Variants in TRAPPC12 observed in about 807,000 individuals in gnomAD.
TRAPPC12 encodes the protein TPR repeat protein 15.
A neutral mutation model predicts 69.2 loss-of-function variants in TRAPPC12; 61 were observed. The ratio of observed to expected loss-of-function variants is 0.88; its 90% CI spans 0.72 to 1.09. The LOEUF (loss-of-function observed/expected upper bound fraction) is 1.09. TRAPPC12 is among the 50% of genes least tolerant of loss of function. The pLI, the probability that TRAPPC12 is intolerant of heterozygous loss-of-function variation, is 0.00. For missense variants in TRAPPC12, 1,101 were observed against 1,016.4 expected (o/e 1.08, Z -1.13); for synonymous variants, 469 against 438.9 (o/e 1.07, Z -0.86).
At chr2:3,454,392 T>C (rs1665020125) in intron 6 of TRAPPC12, among the ~76,000 whole-genome samples, 2 of 147,476 alleles carry the variant, frequency 1.4e-5, no homozygotes, top group Non-Finnish European at 3.0e-5. Context: ...CCCTGCGCCT[T>C]CCCAGCTGGG....
chr2:3,418,348 C>CA (rs35388858), intron 3 of TRAPPC12, among the ~76,000 whole-genome samples: 43,925 of 151,936 alleles, frequency 0.29, 6,655 homozygotes, highest in East Asian at 0.41. Context: ...AGTTCTCTGT[C>CA]ACGTGACTAC....
chr2:3,421,015 C>T (rs1218237835), intron 3 of TRAPPC12, among the ~76,000 whole-genome samples: 3 of 152,202 alleles, frequency 2.0e-5, no homozygotes, highest in African/African-American at 2.4e-5. Flanking sequence ...CTAACCTCCC[C>T]GCCAGCCTTG....
intron 6 of TRAPPC12, chr2:3,457,212 T>C: frequency 2.2e-6 from 1 of 455,268 alleles, no homozygotes; most frequent in Non-Finnish European, 4.4e-6. Context: ...GAAAACCAAA[T>C]AGTGAATGTT....
intron 8 of TRAPPC12, among the ~76,000 whole-genome samples, chr2:3,461,940 A>C (rs913769775): frequency 1.3e-5 from 2 of 152,260 alleles, no homozygotes; most frequent in African/African-American, 2.4e-5. Context: ...GCCTGTGGCC[A>C]GCCCTGACAC....
chr2:3,477,607 T>G (rs1666349142), intron 9 of TRAPPC12, 88 bp from the exon 10 acceptor site: 2 of 692,000 alleles, frequency 2.9e-6, no homozygotes, highest in African/African-American at 1.8e-5. Flanking sequence ...TGTCTTCATA[T>G]TCTAACATGA....
chr2:3,463,773 G>A (rs1318761221), intron 8 of TRAPPC12, among the ~76,000 whole-genome samples: 1 of 151,950 alleles, frequency 6.6e-6, no homozygotes. Context: ...ACACTGCCGG[G>A]CTGATAACAA....
At chr2:3,424,738 C>T (rs535729998) in intron 5 of TRAPPC12, 75 bp downstream of exon 5, 1,174 of 1,413,516 alleles carry the variant, frequency 8.3e-4, no homozygotes, top group Non-Finnish European at 9.8e-4. Context: ...TACATAATTT[C>T]GTAGCCTCAG....
chr2:3,383,773 ATTTT>A (rs771474499), intron 1 of TRAPPC12, among the ~76,000 whole-genome samples: 27 of 140,674 alleles, frequency 1.9e-4, no homozygotes, highest in Non-Finnish European at 3.1e-4. Flanking sequence ...TTCCAAGTTT[ATTTT>A]TTCCCAGCTG....
intron 8 of TRAPPC12, among the ~76,000 whole-genome samples, chr2:3,464,969 G>A (rs1371495961): frequency 6.6e-6 from 1 of 152,226 alleles, no homozygotes; most frequent in African/African-American, 2.4e-5. Context: ...CCTGAGCACG[G>A]CAGCTGGCAC....
rs377151129 is a variant in TRAPPC12, at chr2:3,443,834, G to A, written c.1473G>A (p.Leu491=). The A allele has an allele frequency of 1.1e-5, 18 of 1,613,986 alleles. No individual in the cohort carries two copies. In the African/African-American group the frequency reaches 1.6e-4, roughly 14 times the overall value. ...RILHAELQQY[L]GNPQESLDRL... is the part of the protein sequence containing the mutation. The stretch of plus-strand genomic sequence containing the variant: ...TGCACGCGGAGCTTCAGCAGTACCT[G>A]GGGAACCCACAGGAGTCGCTGGATA... Residue 491 remains leucine (L), a synonymous_variant, in exon 6 of 12, where the codon CTG becomes CTA. Transcript: ENST00000324266.
chr2:3,387,742 G>A lies in TRAPPC12; in HGVS notation c.119G>A (p.Gly40Glu), dbSNP rs755833337. 1.2e-6 allele frequency: 2 copies of A among 1,610,498 alleles called. No individual in the cohort carries two copies. The highest frequency in any genetic ancestry group is 2.7e-5 in the African/African-American group (2 of 74,790). ...CAGGAGGAAACCATCGATCTTGGCG[G>A]AGATGAGTTTGGATCCGAAGAGAAC... ...LFQEETIDLG[G>E]DEFGSEENET... is the part of the protein sequence containing the mutation. Residue 40 changes from glycine (G) to glutamate (E), a missense_variant, in exon 2 of 12, where the codon GGA becomes GAA. Physicochemically the swap from Gly to Glu is moderately conservative, Grantham distance 98 (BLOSUM62 -2). Transcript: ENST00000324266.
chr2:3,455,276 G>A (rs1362548331), intron 6 of TRAPPC12: 2 of 152,184 alleles, frequency 1.3e-5, no homozygotes, highest in African/African-American at 4.8e-5. Flanking sequence ...TGGGTTATAG[G>A]AGATATTTTG....
intron 6 of TRAPPC12, among the ~76,000 whole-genome samples, chr2:3,446,674 G>A (rs1256347494): frequency 6.6e-6 from 1 of 152,226 alleles, no homozygotes; most frequent in Non-Finnish European, 1.5e-5. Context: ...TGGGCACTGC[G>A]GGGACATGGA....
intron 1 of TRAPPC12, among the ~76,000 whole-genome samples, chr2:3,384,175 C>T (rs529086372): frequency 1.3e-5 from 2 of 152,164 alleles, no homozygotes; most frequent in South Asian, 4.2e-4. Context: ...GGATTACAGG[C>T]CTGAACCACC....
intron 5 of TRAPPC12, among the ~76,000 whole-genome samples, chr2:3,434,398 A>G (rs1050446737): frequency 3.9e-5 from 6 of 152,196 alleles, no homozygotes; most frequent in Admixed American, 3.3e-4. Context: ...TCTCTTTCAT[A>G]TGAAGTTGCA....
At position 3,388,099 on chromosome 2, in the gene TRAPPC12, T is replaced by G. The variant is rs1660591261; in HGVS notation, c.476T>G (p.Val159Gly). 1 of 1,557,260 alleles carries G rather than the reference T, an allele frequency of 6.4e-7. No individual in the cohort carries two copies. Among genetic ancestry groups the G allele is most frequent in the Non-Finnish European group, 8.6e-7 (1 of 1,156,680 alleles). Reference protein sequence around the residue: ...QEPPVAEPVPVCTIFSQRAPP... With the variant: ...QEPPVAEPVPGCTIFSQRAPP... ...CCTCCCGTTGCGGAGCCGGTCCCGGTGTGCACCATCTTCAGCCAGCGCGCG... is the reference window on the plus strand; with the variant it reads ...CCTCCCGTTGCGGAGCCGGTCCCGGGGTGCACCATCTTCAGCCAGCGCGCG... The change falls in exon 2 of 12, where the codon GTG (valine) becomes GGG (glycine). Residue 159 changes from valine to glycine, a missense_variant. Coordinates refer to ENST00000324266, the MANE Select transcript of TRAPPC12 (RefSeq NM_016030.6).
chr2:3,475,835 A>G (rs759697566), intron 9 of TRAPPC12, among the ~76,000 whole-genome samples: 1 of 152,232 alleles, frequency 6.6e-6, no homozygotes, highest in Non-Finnish European at 1.5e-5. Context: ...TAGCGACAGC[A>G]TCTGCATCCC....
intron 6 of TRAPPC12, among the ~76,000 whole-genome samples, chr2:3,444,663 A>G (rs1037142639): frequency 3.9e-5 from 6 of 152,350 alleles, no homozygotes; most frequent in East Asian, 3.9e-4. Flanking sequence ...GAAAACTAAG[A>G]TTCTTCTTGT....
chr2:3,476,656 C>A (rs1320947975), intron 9 of TRAPPC12, among the ~76,000 whole-genome samples: 1 of 152,232 alleles, frequency 6.6e-6, no homozygotes, highest in Non-Finnish European at 1.5e-5. Context: ...ACCATCTCCC[C>A]ACCAGTCATC....
Sources: allele counts gnomAD v4.1 joint callset (sites outside exome capture counted in the v4.1 genomes callset), GRCh38; gene constraint gnomAD v4.1.1; transcripts MANE v1.5; gene names NCBI Gene and HGNC (gene_info 2026-07-23, HGNC 2026-07-21).